Variants in NCALD observed in about 807,000 individuals in gnomAD.
The protein encoded by NCALD is neurocalcin delta.
A neutral mutation model predicts 18.6 loss-of-function variants in NCALD; 10 were observed. The observed-to-expected ratio is 0.54, with a 90% CI of 0.33 to 0.91. The LOEUF is 0.91. NCALD is among the 40% of genes least tolerant of loss of function. The probability of loss-of-function intolerance (pLI) is 0.03; values close to 1 mark genes in which losing one functional copy is unlikely to be tolerated. For synonymous variants in NCALD, 88 were observed against 87.4 expected (o/e 1.01, Z -0.04); for missense variants, 184 against 247.6 (o/e 0.74, Z 1.72).
intron 4 of NCALD, among the ~76,000 whole-genome samples, chr8:101,860,255 T>C (rs1267785912): frequency 6.6e-6 from 1 of 152,192 alleles, no homozygotes; most frequent in Non-Finnish European, 1.5e-5. Flanking sequence ...TACCGGAGGT[T>C]AGGTTCTATA....
chr8:101,784,491 A>T (rs994093630), intron 1 of NCALD, among the ~76,000 whole-genome samples: 1 of 152,152 alleles, frequency 6.6e-6, no homozygotes, highest in African/African-American at 2.4e-5. Context: ...CCTGATGGAG[A>T]GGAGCAAGAT....
chr8:101,968,312 GA>G (rs746692104), intron 2 of NCALD, among the ~76,000 whole-genome samples: 1,665 of 145,034 alleles, frequency 0.011, 26 homozygotes, highest in African/African-American at 0.034. Flanking sequence ...TTTCTTAAAA[GA>G]AAAAAAAAAA....
intron 1 of NCALD, among the ~76,000 whole-genome samples, chr8:102,073,844 T>A (rs1454884081): frequency 2.0e-5 from 3 of 152,238 alleles, no homozygotes; most frequent in African/African-American, 7.2e-5. Context: ...CAACAGCGAC[T>A]GGTTGAAATT....
At chr8:101,854,841 C>G (rs528222035) in intron 4 of NCALD, among the ~76,000 whole-genome samples, 1 of 152,166 alleles carries the variant, frequency 6.6e-6, no homozygotes, top group Non-Finnish European at 1.5e-5. Context: ...TTGCAACATT[C>G]ATTCATCTTA....
rs151327304 is a variant in NCALD at position 101,891,602 on chromosome 8, C to T, written c.-106-4375G>A. Among the ~76,000 whole-genome samples the T allele has an allele frequency of 9.8e-3, 1,500 of 152,302 alleles. 33 individuals carry two copies. Among genetic ancestry groups the T allele is most frequent in the African/African-American group, 0.033 (1,380 of 41,568 alleles). ...ATTTCTGCATTTCCATCTGAGGTAT[C>T]GGGTTCATCTCACTAGGGAGTGCCA... is the stretch of plus-strand genomic sequence containing the variant. On this transcript the variant is annotated intron_variant, in intron 3 of 6. Coordinates refer to the NCALD transcript ENST00000311028.
rs146764676 is a variant in NCALD at position 101,709,203 on chromosome 8, G to A, written c.378+10049C>T. Among the ~76,000 whole-genome samples the A allele has an allele frequency of 7.3e-3, 1,106 of 152,296 alleles. 8 individuals carry two copies. The highest frequency in any genetic ancestry group is 0.011 in the Non-Finnish European group (781 of 68,034). Reference sequence around the variant, plus strand: ...ACTGGTTACTTTGGGTACGCCCTACGTAAATGGAGAGGATGAAGTAAAGTT... The same window carrying A: ...ACTGGTTACTTTGGGTACGCCCTACATAAATGGAGAGGATGAAGTAAAGTT... On this transcript the variant is annotated intron_variant, in intron 2 of 3. Coordinates refer to ENST00000220931, the MANE Select transcript of NCALD (RefSeq NM_032041.3).
At chr8:101,840,607 T>C (rs1195795474) in intron 4 of NCALD, among the ~76,000 whole-genome samples, 1 of 152,200 alleles carries the variant, frequency 6.6e-6, no homozygotes, top group Non-Finnish European at 1.5e-5. Context: ...GAAAATATGA[T>C]GTTGCAAACA....
At chr8:101,878,887 T>TTGA (rs1816343286) in intron 4 of NCALD, among the ~76,000 whole-genome samples, 1 of 152,200 alleles carries the variant, frequency 6.6e-6, no homozygotes, top group African/African-American at 2.4e-5. Context: ...CAATGCCATG[T>TTGA]CCTATGATTA....
At chr8:102,035,444 C>T (rs1822829475) in intron 1 of NCALD, among the ~76,000 whole-genome samples, 1 of 152,102 alleles carries the variant, frequency 6.6e-6, no homozygotes, top group Non-Finnish European at 1.5e-5. Context: ...CAATGATTCA[C>T]ATGGAGAAAA....
At chr8:101,742,256 G>GAAAAAA (rs1810232677) in intron 1 of NCALD, among the ~76,000 whole-genome samples, 2 of 151,552 alleles carry the variant, frequency 1.3e-5, no homozygotes, top group South Asian at 4.1e-4. Context: ...GAAAGAAAAA[G>GAAAAAA]GAAATTCATC....
chr8:101,777,326 T>A (rs1241670837), intron 1 of NCALD, among the ~76,000 whole-genome samples: 2 of 152,172 alleles, frequency 1.3e-5, no homozygotes, highest in East Asian at 3.8e-4. Context: ...GCTTGTAGCT[T>A]AATGGAGAAG....
At chr8:101,718,827 G>A (rs996510796) in intron 2 of NCALD, among the ~76,000 whole-genome samples, 5 of 152,202 alleles carry the variant, frequency 3.3e-5, no homozygotes, top group Admixed American at 6.5e-5. Flanking sequence ...AGCATTAACA[G>A]CAACACAGAT....
intron 2 of NCALD, among the ~76,000 whole-genome samples, chr8:101,966,672 A>C (rs1167377263): frequency 6.6e-6 from 1 of 152,194 alleles, no homozygotes; most frequent in Non-Finnish European, 1.5e-5. Context: ...TAAACTTAGC[A>C]TTCTTATCTA....
chr8:101,771,290 G>A (rs962092880), intron 1 of NCALD, among the ~76,000 whole-genome samples: 3 of 152,062 alleles, frequency 2.0e-5, no homozygotes, highest in Admixed American at 6.5e-5. Context: ...GCAAGTTCAG[G>A]GTGGAGGTGG....
chr8:101,688,878 C>T lies in NCALD; in HGVS notation c.*431G>A, dbSNP rs1814577984. The T allele has an allele frequency of 6.4e-6, 4 of 626,514 alleles. No individual in the cohort carries two copies. Among genetic ancestry groups the T allele is most frequent in the African/African-American group, 1.8e-5 (1 of 54,684 alleles). The allele number at this position is 626,514 out of a possible 1,614,324, so 38.8% of individuals were successfully genotyped here. A position where few individuals can be genotyped will look rare whatever the true frequency, so the allele number is the denominator to read the frequency against. On this transcript the variant is annotated 3_prime_UTR_variant, in exon 4 of 4. Coordinates refer to ENST00000220931, the MANE Select transcript of NCALD (RefSeq NM_032041.3). The stretch of plus-strand genomic sequence containing the variant: ...GGGGAATCCAGCATCCGGTGCCATC[C>T]ATCACCCCTACGGCACGTGTGACAA...
At chr8:101,970,506 T>C (rs1260373049) in intron 2 of NCALD, among the ~76,000 whole-genome samples, 1 of 152,156 alleles carries the variant, frequency 6.6e-6, no homozygotes, top group African/African-American at 2.4e-5. Flanking sequence ...AAAAGCTCTA[T>C]CTACTCCAAA....
chr8:102,026,986 T>G (rs1822481858), intron 1 of NCALD, among the ~76,000 whole-genome samples: 1 of 152,218 alleles, frequency 6.6e-6, no homozygotes. Context: ...TTGGCTCCTT[T>G]TAGCCATGGC....
At chr8:102,049,485 A>C (rs1823356356) in intron 1 of NCALD, among the ~76,000 whole-genome samples, 6 of 152,236 alleles carry the variant, frequency 3.9e-5, no homozygotes, top group Admixed American at 3.9e-4. Flanking sequence ...AAGTATAAGC[A>C]ACGTTGCTGT....
At chr8:102,062,298 G>A (rs372840107) in intron 1 of NCALD, among the ~76,000 whole-genome samples, 2 of 152,204 alleles carry the variant, frequency 1.3e-5, no homozygotes. Flanking sequence ...GCAAGCTGCT[G>A]TCTCAAAAAC....
Sources: allele counts gnomAD v4.1 joint callset (sites outside exome capture counted in the v4.1 genomes callset), GRCh38; gene constraint gnomAD v4.1.1; transcripts MANE v1.5; gene names NCBI Gene and HGNC (gene_info 2026-07-23, HGNC 2026-07-21).